The following LARS2 variants were observed in gnomAD, a reference collection of about 807,000 sequenced individuals.
LARS2 encodes leucyl-tRNA synthetase 2, mitochondrial, also known as leucine--tRNA ligase, mitochondrial.
Under a neutral mutation model 116.6 loss-of-function variants are expected in LARS2, and 81 were observed. The observed-to-expected ratio is 0.69, with a 90% CI of 0.58 to 0.84. The LOEUF (loss-of-function observed/expected upper bound fraction) is 0.84, where lower values mean the gene tolerates loss of function less well. Ranked by LOEUF, LARS2 falls within the 40% of genes least tolerant of loss-of-function variation. The pLI is 0.00. For synonymous variants in LARS2, 396 were observed against 407.2 expected (o/e 0.97, Z 0.33); for missense variants, 968 against 1,114.5 (o/e 0.87, Z 1.87).
At chr3:45,488,096 C>CA (rs752800755) in intron 11 of LARS2, among the ~76,000 whole-genome samples, 15 of 150,390 alleles carry the variant, frequency 1.0e-4, no homozygotes, top group Admixed American at 3.3e-4. Context: ...TTTTTAGTGG[C>CA]AAAAAAAAGC....
rs144471757 is a variant in LARS2 at position 45,546,067 on chromosome 3, G to T, written c.2533-1284G>T. Among the ~76,000 whole-genome samples, 24 of 152,034 alleles carry T rather than the reference G, an allele frequency of 1.6e-4. 1 individual carries two copies. Among genetic ancestry groups the T allele is most frequent in the African/African-American group, 5.5e-4 (23 of 41,478 alleles). On this transcript the variant is annotated intron_variant, in intron 21 of 21. Coordinates refer to ENST00000645846, the MANE Select transcript of LARS2 (RefSeq NM_015340.4). ...AGAGCACCATGCTCCCCCTCACCCA[G>T]CACCCCCTCTGTAGGTGGTGGCCCA...
intron 18 of LARS2, among the ~76,000 whole-genome samples, chr3:45,519,522 T>C (rs1700420392): frequency 6.7e-6 from 1 of 148,982 alleles, no homozygotes; most frequent in African/African-American, 2.5e-5. Flanking sequence ...ATTAACCTTA[T>C]CCCATATTCT....
intron 2 of LARS2, 80 bp from the exon 3 acceptor site, chr3:45,394,353 C>T: frequency 1.3e-6 from 1 of 753,788 alleles, no homozygotes; most frequent in South Asian, 1.7e-5. Flanking sequence ...GGCCAGAACA[C>T]TGGACTGTGC....
chr3:45,509,748 G>A (rs1237433791), intron 15 of LARS2, among the ~76,000 whole-genome samples: 1 of 152,024 alleles, frequency 6.6e-6, no homozygotes, highest in Non-Finnish European at 1.5e-5. Context: ...TGGAAAAGTG[G>A]AGGGAAAACA....
At chr3:45,441,799 G>T (rs142531262) in intron 6 of LARS2, among the ~76,000 whole-genome samples, 22 of 152,312 alleles carry the variant, frequency 1.4e-4, no homozygotes, top group African/African-American at 5.1e-4. Flanking sequence ...TGGGTGGCAG[G>T]TCGCAAAAGA....
chr3:45,401,558 AGAG>A (rs756295584), intron 4 of LARS2, among the ~76,000 whole-genome samples: 7 of 151,998 alleles, frequency 4.6e-5, no homozygotes, highest in Admixed American at 2.6e-4. Flanking sequence ...TTATTGTGAG[AGAG>A]GAGGACAAAC....
rs201066231 is a variant in LARS2, at chr3:45,491,571, G to A, written c.1294G>A (p.Gly432Arg). 3 of 1,614,086 alleles carry A rather than the reference G, an allele frequency of 1.9e-6. No individual in the cohort carries two copies. The highest frequency in any genetic ancestry group is 1.3e-5 in the African/African-American group (1 of 74,928). ...AFLALTQKAR[G>R]KRVGGDVTSD... The stretch of plus-strand genomic sequence containing the variant: ...TCTAGCCCTGACTCAGAAAGCCCGG[G>A]GGAAGAGAGTGGGTGGAGACGTGAC... Residue 432 changes from glycine (G) to arginine (R), a missense_variant, in exon 13 of 22, where the codon GGG (glycine) becomes AGG (arginine). Gly to Arg is a moderately radical substitution (Grantham distance 125, BLOSUM62 -2). Transcript: ENST00000645846.
Position 45,547,537 on chromosome 3 carries a change from G to C in LARS2, c.*7G>C, listed in dbSNP as rs571329897. 6.3e-7 allele frequency: 1 copy of C among 1,592,990 alleles called. No homozygotes were observed. The highest frequency in any genetic ancestry group is 8.5e-7 in the Non-Finnish European group (1 of 1,170,712). On this transcript the variant is annotated 3_prime_UTR_variant, in exon 22 of 22. Transcript: ENST00000645846. ...CTTCCTGGTGCAAGATTGACAGCCA[G>C]GAGGCTGCAGCTACCACGAGGGCCT... is the stretch of plus-strand genomic sequence containing the variant.
chr3:45,536,223 G>C (rs1700703018), intron 20 of LARS2, among the ~76,000 whole-genome samples: 1 of 152,160 alleles, frequency 6.6e-6, no homozygotes, highest in Non-Finnish European at 1.5e-5. Context: ...TCAGGCTCAG[G>C]TGATCCTCCC....
At chr3:45,459,861 A>G (rs1196826307) in intron 8 of LARS2, among the ~76,000 whole-genome samples, 1 of 152,232 alleles carries the variant, frequency 6.6e-6, no homozygotes, top group Non-Finnish European at 1.5e-5. Flanking sequence ...AGGACTACTT[A>G]TGGCATGTCA....
At chr3:45,393,922 T>G (rs1302024657) in intron 2 of LARS2, among the ~76,000 whole-genome samples, 1 of 152,276 alleles carries the variant, frequency 6.6e-6, no homozygotes, top group Non-Finnish European at 1.5e-5. Context: ...TGGTTCAGCC[T>G]ACAGGGTATA....
chr3:45,524,438 T>C (rs747716517), intron 20 of LARS2, among the ~76,000 whole-genome samples: 4 of 152,216 alleles, frequency 2.6e-5, no homozygotes, highest in Non-Finnish European at 4.4e-5. Flanking sequence ...AAAACTCATG[T>C]TTAATACCAC....
intron 6 of LARS2, among the ~76,000 whole-genome samples, chr3:45,434,530 A>G (rs373381030): frequency 2.0e-5 from 3 of 152,212 alleles, no homozygotes; most frequent in East Asian, 1.9e-4. Context: ...TGCTGTCTGC[A>G]TAAAATCCTT....
At chr3:45,530,619 CT>C (rs1700600671) in intron 20 of LARS2, among the ~76,000 whole-genome samples, 1 of 152,172 alleles carries the variant, frequency 6.6e-6, no homozygotes, top group Non-Finnish European at 1.5e-5. Flanking sequence ...GTGCATAAAT[CT>C]TGTTCTCACT....
intron 10 of LARS2, among the ~76,000 whole-genome samples, chr3:45,484,603 C>CCA (rs1374481808): frequency 2.7e-4 from 4 of 14,724 alleles, no homozygotes; most frequent in Admixed American, 1.6e-3. Context: ...CCTGTCTCTA[C>CCA]AAAAAAAAAA....
intron 18 of LARS2, among the ~76,000 whole-genome samples, chr3:45,518,781 C>T (rs1418786765): frequency 6.6e-6 from 1 of 152,088 alleles, no homozygotes; most frequent in Non-Finnish European, 1.5e-5. Flanking sequence ...ATCAGTGTCG[C>T]TCATCTGCAC....
chr3:45,459,448 T>G (rs150028405), intron 8 of LARS2, among the ~76,000 whole-genome samples: 342 of 152,322 alleles, frequency 2.2e-3, no homozygotes, highest in African/African-American at 7.9e-3. Context: ...GAAAATGAAC[T>G]AAGCCAGGCG....
At chr3:45,438,085 G>A (rs1482495829) in intron 6 of LARS2, among the ~76,000 whole-genome samples, 2 of 152,128 alleles carry the variant, frequency 1.3e-5, no homozygotes, top group Non-Finnish European at 2.9e-5. Flanking sequence ...CTGGGATTGT[G>A]ATGAGAAGGA....
At chr3:45,508,483 G>C (rs1188446813) in intron 15 of LARS2, among the ~76,000 whole-genome samples, 1 of 152,084 alleles carries the variant, frequency 6.6e-6, no homozygotes, top group African/African-American at 2.4e-5. Flanking sequence ...TATGTGACAT[G>C]ATGGCCCTGG....
Sources: allele counts gnomAD v4.1 joint callset (sites outside exome capture counted in the v4.1 genomes callset), GRCh38; gene constraint gnomAD v4.1.1; transcripts MANE v1.5; gene names NCBI Gene and HGNC (gene_info 2026-07-23, HGNC 2026-07-21).